FRYL: variants seen among roughly 807,000 people sequenced by gnomAD.
FRYL encodes FRY like transcription coactivator, also known as protein furry homolog-like.
A neutral mutation model predicts 351.2 loss-of-function variants in FRYL; 150 were observed. The observed-to-expected ratio is 0.43, with a 90% confidence interval of 0.37 to 0.49. The LOEUF (loss-of-function observed/expected upper bound fraction) is 0.49, where lower values mean the gene tolerates loss of function less well. Ranked by LOEUF, FRYL falls within the 20% of genes least tolerant of loss-of-function variation. FRYL has a pLI of 0.00. For missense variants in FRYL, 3,036 were observed against 3,619.3 expected (o/e 0.84, Z 4.13); for synonymous variants, 1,153 against 1,257.1 (o/e 0.92, Z 1.75).
chr4:48,747,169 C>CCG (rs72599347), intron 1 of FRYL, among the ~76,000 whole-genome samples: 27 of 150,808 alleles, frequency 1.8e-4, no homozygotes, highest in Admixed American at 5.3e-4. Flanking sequence ...CTATCCCCCC[C>CCG]CAAAAAAAGA....
chr4:48,514,715 C>CA (rs1183964334), intron 56 of FRYL, among the ~76,000 whole-genome samples: 11 of 152,298 alleles, frequency 7.2e-5, no homozygotes, highest in Admixed American at 1.3e-4. Flanking sequence ...AACATTTGGC[C>CA]ATTTGGCATC....
At chr4:48,753,592 C>T (rs1306754212) in intron 1 of FRYL, among the ~76,000 whole-genome samples, 3 of 152,074 alleles carry the variant, frequency 2.0e-5, no homozygotes, top group Non-Finnish European at 2.9e-5. Context: ...TTTTCACTTT[C>T]TTGATAGTCT....
chr4:48,560,667 G>A (rs1330952166), intron 33 of FRYL, among the ~76,000 whole-genome samples: 1 of 152,104 alleles, frequency 6.6e-6, no homozygotes, highest in African/African-American at 2.4e-5. Flanking sequence ...GGGCTGTCAC[G>A]GATGCGGGGG....
chr4:48,539,941 G>C, intron 47 of FRYL, 30 bp downstream of exon 47: 1 of 1,463,648 alleles, frequency 6.8e-7, no homozygotes, highest in South Asian at 1.1e-5. Context: ...TTTCCCTATA[G>C]TGTTACCTTT....
chr4:48,585,581 G>A (rs1160113936), intron 19 of FRYL, among the ~76,000 whole-genome samples: 2 of 152,244 alleles, frequency 1.3e-5, no homozygotes, highest in East Asian at 3.8e-4. Context: ...CTGGCAAACT[G>A]TGGCTCAAGG....
chr4:48,651,987 G>T (rs1226762906), intron 3 of FRYL, among the ~76,000 whole-genome samples: 1 of 152,228 alleles, frequency 6.6e-6, no homozygotes, highest in African/African-American at 2.4e-5. Flanking sequence ...TGTGTACTAT[G>T]AATGCCCAAG....
At chr4:48,755,723 C>G (rs1209490835) in intron 1 of FRYL, among the ~76,000 whole-genome samples, 2 of 151,966 alleles carry the variant, frequency 1.3e-5, no homozygotes, top group Non-Finnish European at 2.9e-5. Context: ...AGCACAATGA[C>G]CTTAGATTAG....
At chr4:48,638,041 G>A (rs1405858015) in intron 3 of FRYL, 1 of 151,776 alleles carries the variant, frequency 6.6e-6, no homozygotes, top group East Asian at 1.9e-4. Flanking sequence ...TCAACAATTG[G>A]GGTATTTCAA....
At chr4:48,559,286 A>G (rs1376635645) in intron 33 of FRYL, among the ~76,000 whole-genome samples, 6 of 151,844 alleles carry the variant, frequency 4.0e-5, no homozygotes, top group Non-Finnish European at 8.8e-5. Flanking sequence ...GATCCTGACT[A>G]TGGAAGGAAG....
intron 2 of FRYL, among the ~76,000 whole-genome samples, chr4:48,698,444 A>C (rs535186358): frequency 6.6e-6 from 1 of 152,214 alleles, no homozygotes; most frequent in African/African-American, 2.4e-5. Flanking sequence ...GCTGGATGCT[A>C]TCACACACCC....
At chr4:48,563,054 TATG>T in intron 31 of FRYL, 66 bp from the exon 32 acceptor site, 1 of 1,036,688 alleles carries the variant, frequency 9.6e-7, no homozygotes, top group East Asian at 2.4e-5. Context: ...ATTTAATAAA[TATG>T]ATATGCAAAG....
At chr4:48,502,742 G>T (rs913840490) in intron 61 of FRYL, 86 bp downstream of exon 61, 7 of 1,045,076 alleles carry the variant, frequency 6.7e-6, no homozygotes, top group African/African-American at 1.6e-5. Flanking sequence ...AGAAAACATT[G>T]CTGGGTCACA....
chr4:48,743,055 G>A (rs1224111691), intron 1 of FRYL, among the ~76,000 whole-genome samples: 1 of 140,912 alleles, frequency 7.1e-6, no homozygotes, highest in Non-Finnish European at 1.5e-5. Context: ...CTGACCTCAA[G>A]TGATCCATCT....
intron 36 of FRYL, among the ~76,000 whole-genome samples, chr4:48,552,848 A>T (rs1392933186): frequency 6.6e-6 from 1 of 152,148 alleles, no homozygotes; most frequent in Non-Finnish European, 1.5e-5. Flanking sequence ...CTGAGTAACA[A>T]AGAGTTTAAC....
intron 49 of FRYL, among the ~76,000 whole-genome samples, chr4:48,534,025 G>A (rs1489109934): frequency 1.3e-5 from 2 of 152,114 alleles, no homozygotes; most frequent in East Asian, 1.9e-4. Context: ...TCAGGAGTTC[G>A]AGACCAGCCT....
Position 48,563,979 on chromosome 4 carries a change from A to G in FRYL, c.3565T>C (p.Phe1189Leu). Residue 1189 changes from phenylalanine (F) to leucine (L), a missense_variant, in exon 31 of 64, where the codon TTT becomes CTT. Physicochemically the swap from Phe to Leu is conservative, Grantham distance 22 (BLOSUM62 0). Coordinates refer to ENST00000358350, the MANE Select transcript of FRYL (RefSeq NM_015030.2). ...TGSGRVAAGC[F>L]KAIANVFQNR... is the part of the protein sequence containing the mutation. ...TGGAAAACATTAGCAATGGCTTTAA[A>G]GCAGCCGGCCGCCACCCTCCCGGAG... is the stretch of plus-strand genomic sequence containing the variant. 1 of 1,614,138 alleles carries G rather than the reference A, an allele frequency of 6.2e-7. No individual in the cohort carries two copies.
intron 56 of FRYL, among the ~76,000 whole-genome samples, chr4:48,513,980 T>G (rs1264888350): frequency 6.6e-6 from 1 of 152,212 alleles, no homozygotes; most frequent in Non-Finnish European, 1.5e-5. Flanking sequence ...GCTACTGCCA[T>G]ATTCAAATCA....
intron 15 of FRYL, 98 bp from the exon 16 acceptor site, chr4:48,594,114 GC>G (rs1381601945): frequency 1.5e-6 from 1 of 660,928 alleles, no homozygotes; most frequent in African/African-American, 1.9e-5. Flanking sequence ...ACAGGTTTGT[GC>G]CCTTAAAAAG....
chr4:48,674,471 G>T (rs1763226533), intron 3 of FRYL, among the ~76,000 whole-genome samples: 1 of 152,024 alleles, frequency 6.6e-6, no homozygotes. Context: ...GCAAATAAAT[G>T]ATTTCTCTTA....
Sources: allele counts gnomAD v4.1 joint callset (sites outside exome capture counted in the v4.1 genomes callset), GRCh38; gene constraint gnomAD v4.1.1; transcripts MANE v1.5; gene names NCBI Gene and HGNC (gene_info 2026-07-23, HGNC 2026-07-21).